SEZ6L: variants seen among roughly 807,000 people sequenced by gnomAD.
SEZ6L encodes the protein seizure related 6 homolog like, also known as seizure 6-like protein.
In SEZ6L, 37 loss-of-function variants were observed where a neutral mutation model predicts 106.2. The observed-to-expected ratio is 0.35, with a 90% confidence interval of 0.27 to 0.46. The LOEUF (loss-of-function observed/expected upper bound fraction) is 0.46. Ranked by LOEUF, SEZ6L falls within the 20% of genes least tolerant of loss-of-function variation. The pLI is 1.00. For synonymous variants in SEZ6L, 541 were observed against 570.4 expected (o/e 0.95, Z 0.73); for missense variants, 1,172 against 1,332.8 (o/e 0.88, Z 1.88).
At chr22:26,224,993 G>A (rs2145731813) in intron 1 of SEZ6L, among the ~76,000 whole-genome samples, 1 of 152,094 alleles carries the variant, frequency 6.6e-6, no homozygotes, top group East Asian at 1.9e-4. Context: ...CAATTAACAT[G>A]TTTCACTTTG....
At chr22:26,327,526 C>T (rs1482788939) in intron 9 of SEZ6L, among the ~76,000 whole-genome samples, 1 of 142,158 alleles carries the variant, frequency 7.0e-6, no homozygotes, top group African/African-American at 2.6e-5. Flanking sequence ...ACACACCCCA[C>T]GACACTACAC....
chr22:26,305,866 G>A (rs987239355), intron 5 of SEZ6L, 113 bp from the exon 6 acceptor site: 13 of 1,166,158 alleles, frequency 1.1e-5, no homozygotes, highest in African/African-American at 1.5e-5. Context: ...GGGGATCAGG[G>A]GAGAATGAAA....
chr22:26,174,701 C>G (rs1304211082), intron 1 of SEZ6L, among the ~76,000 whole-genome samples: 1 of 152,052 alleles, frequency 6.6e-6, no homozygotes, highest in Non-Finnish European at 1.5e-5. Context: ...CCTTTGGTGG[C>G]TGTGACAAGA....
chr22:26,276,880 T>C (rs184349709), intron 1 of SEZ6L, among the ~76,000 whole-genome samples: 21 of 152,274 alleles, frequency 1.4e-4, no homozygotes, highest in African/African-American at 4.8e-4. Flanking sequence ...TTGCTAAAGA[T>C]ACAAGGGTAA....
intron 13 of SEZ6L, 44 bp downstream of exon 13, chr22:26,365,610 ATGTC>A: frequency 7.8e-6 from 12 of 1,531,872 alleles, no homozygotes; most frequent in Non-Finnish European, 1.1e-5. Flanking sequence ...GGGCCTGGAG[ATGTC>A]AGGCTCCTGG....
intron 5 of SEZ6L, among the ~76,000 whole-genome samples, chr22:26,299,729 G>A (rs768395501): frequency 2.0e-5 from 3 of 152,208 alleles, no homozygotes; most frequent in African/African-American, 7.2e-5. Context: ...TTATTCGTTA[G>A]TAGACATTTG....
At chr22:26,368,460 C>T (rs1220865693) in intron 13 of SEZ6L, among the ~76,000 whole-genome samples, 1 of 152,150 alleles carries the variant, frequency 6.6e-6, no homozygotes, top group East Asian at 1.9e-4. Context: ...CATGGATGAA[C>T]CTCAAAGCCG....
In SEZ6L at chr22:26,310,306, C is replaced by T. The variant is rs574502537; in HGVS notation, c.1515-364C>T. On this transcript the variant is annotated intron_variant, in intron 6 of 16. Transcript: ENST00000248933. ...ATCCCAGCACTTTGGGAGGCCAAGG[C>T]GGGTGGATCACCTGAGGTCAGGAGT... 4.4e-3 allele frequency among the ~76,000 whole-genome samples: 676 copies of T among 152,218 alleles called. 4 individuals are homozygous for T. Among genetic ancestry groups the T allele is most frequent in the African/African-American group, 0.015 (630 of 41,530 alleles).
At chr22:26,331,153 G>A (rs2082468607) in intron 9 of SEZ6L, among the ~76,000 whole-genome samples, 2 of 152,200 alleles carry the variant, frequency 1.3e-5, no homozygotes, top group Non-Finnish European at 2.9e-5. Context: ...CACCTGCTGG[G>A]GAAGTCAGCC....
At position 26,253,557 on chromosome 22, in the gene SEZ6L, G is replaced by A. The variant is rs372861715; in HGVS notation, c.95-38849G>A. Among the ~76,000 whole-genome samples the A allele has an allele frequency of 1.1e-4, 17 of 152,262 alleles. No individual in the cohort carries two copies. The South Asian group carries it at 2.3e-3, about 20-fold the overall frequency. On this transcript the variant is annotated intron_variant, in intron 1 of 16. Coordinates refer to ENST00000248933, the MANE Select transcript of SEZ6L (RefSeq NM_021115.5). ...ACCCACAGTGCCGAGCTCATTGCTT[G>A]TACAAAATAGATGCCCAGAAAATGC...
At chr22:26,293,549 A>G (rs1361509549) in intron 2 of SEZ6L, among the ~76,000 whole-genome samples, 6 of 151,744 alleles carry the variant, frequency 4.0e-5, no homozygotes, top group Non-Finnish European at 1.5e-5. Context: ...AGGCTGGGGA[A>G]CTCCTGGGCT....
At chr22:26,256,216 G>A (rs975015071) in intron 1 of SEZ6L, among the ~76,000 whole-genome samples, 21 of 152,150 alleles carry the variant, frequency 1.4e-4, no homozygotes, top group African/African-American at 2.9e-4. Context: ...TAAGCTAGAG[G>A]GGTATTCGGG....
intron 1 of SEZ6L, among the ~76,000 whole-genome samples, chr22:26,273,353 C>A (rs1300641064): frequency 6.6e-6 from 1 of 152,244 alleles, no homozygotes; most frequent in African/African-American, 2.4e-5. Flanking sequence ...GGGGAGCTGA[C>A]AATGGCCACT....
intron 1 of SEZ6L, among the ~76,000 whole-genome samples, chr22:26,216,361 A>T (rs2078299567): frequency 6.6e-6 from 1 of 152,202 alleles, no homozygotes; most frequent in South Asian, 2.1e-4. Context: ...GTCCTAAGAA[A>T]TGATCCAGCA....
intron 8 of SEZ6L, among the ~76,000 whole-genome samples, chr22:26,313,466 A>T (rs1266125832): frequency 6.6e-6 from 1 of 152,042 alleles, no homozygotes; most frequent in Non-Finnish European, 1.5e-5. Context: ...CATTCTGACC[A>T]CTGAGCTCTG....
intron 1 of SEZ6L, among the ~76,000 whole-genome samples, chr22:26,219,199 A>T (rs1185564515): frequency 1.3e-5 from 2 of 152,116 alleles, no homozygotes; most frequent in Non-Finnish European, 2.9e-5. Context: ...TGTTTAAATA[A>T]AACAAATCTT....
At chr22:26,324,103 A>ACACACACACAC (rs1569463232) in intron 9 of SEZ6L, among the ~76,000 whole-genome samples, 2 of 83,392 alleles carry the variant, frequency 2.4e-5, no homozygotes, top group Admixed American at 1.2e-4. Context: ...CACACACACA[A>ACACACACACAC]ACACACACAC....
chr22:26,274,770 G>T (rs1487606521), intron 1 of SEZ6L, among the ~76,000 whole-genome samples: 2 of 152,208 alleles, frequency 1.3e-5, no homozygotes, highest in Non-Finnish European at 2.9e-5. Context: ...CAGCACTTCT[G>T]CCAGCAATGG....
At chr22:26,341,847 T>C (rs2082847505) in intron 10 of SEZ6L, among the ~76,000 whole-genome samples, 2 of 152,204 alleles carry the variant, frequency 1.3e-5, no homozygotes, top group African/African-American at 4.8e-5. Context: ...TCCCCGTCTT[T>C]CTACGGCCAC....
Sources: gnomAD v4.1 joint callset for allele counts (sites outside exome capture counted in the v4.1 genomes callset) on GRCh38, gnomAD v4.1.1 for gene constraint, MANE v1.5 for transcripts, NCBI Gene and HGNC (gene_info 2026-07-23, HGNC 2026-07-21) for gene names.